The following ZNF544 variants were observed in gnomAD, a reference collection of about 807,000 sequenced individuals.
ZNF544 encodes zinc finger protein 544, also known as zinc finger protein AF020591.
ZNF544 carries 10 observed loss-of-function variants against 13.5 expected under a neutral mutation model. That is an observed-to-expected ratio of 0.74 (90% CI 0.46 to 1.25). ZNF544 has a LOEUF of 1.25. ZNF544 is among the 50% of genes most tolerant of loss of function. ZNF544 has a pLI of 0.00. For missense variants in ZNF544, 896 were observed against 845.6 expected (o/e 1.06, Z -0.74); for synonymous variants, 323 against 300.5 (o/e 1.07, Z -0.77).
At chr19:58,234,616 G>C (rs1045408994) in intron 3 of ZNF544, among the ~76,000 whole-genome samples, 3 of 152,176 alleles carry the variant, frequency 2.0e-5, no homozygotes, top group Non-Finnish European at 4.4e-5. Flanking sequence ...GTGTACCTGC[G>C]TGCAGCATTC....
chr19:58,229,085 G>C (rs1257051531), intron 1 of ZNF544, 139 bp downstream of exon 1: 4 of 152,566 alleles, frequency 2.6e-5, no homozygotes, highest in Non-Finnish European at 5.9e-5. Context: ...GGTCCCTCAT[G>C]CGGCGAGGCC....
rs148565349 is a variant in ZNF544 at position 58,261,551 on chromosome 19, A to C, written c.945A>C (p.Gln315His). The C allele has an allele frequency of 2.6e-4, 416 of 1,614,152 alleles. 3 individuals are homozygous for C. In the African/African-American group the frequency reaches 4.9e-3, roughly 19 times the overall value. The change falls in exon 7 of 7, where the codon CAA becomes CAC. Residue 315 changes from glutamine (Q) to histidine (H), a missense_variant. Gln to His is a conservative substitution (Grantham distance 24, BLOSUM62 0). Coordinates refer to ENST00000687789, the MANE Select transcript of ZNF544 (RefSeq NM_014480.4). The stretch of plus-strand genomic sequence containing the variant: ...GTTCTGAGAGTCTGTGCCTTGTACA[A>C]ACAGAAAGAAGTGGCCCTGGAGAGA... ...ETCSESLCLVQTERSGPGETP... is the reference protein window; with the variant it reads ...ETCSESLCLVHTERSGPGETP...
chr19:58,266,212 CAAAA>C (rs760851818), downstream of ZNF544, among the ~76,000 whole-genome samples: 3 of 46,206 alleles, frequency 6.5e-5, no homozygotes, highest in Admixed American at 3.4e-4. Context: ...GACTCTGTCT[CAAAA>C]AAAAAAAAAA....
chr19:58,236,672 T>C (rs1443628174), intron 3 of ZNF544, among the ~76,000 whole-genome samples: 1 of 152,000 alleles, frequency 6.6e-6, no homozygotes, highest in Non-Finnish European at 1.5e-5. Flanking sequence ...TCGATACATA[T>C]TGTTACTTAG....
chr19:58,274,217 T>C (rs2147929467), intron 5 of ZNF544, among the ~76,000 whole-genome samples: 1 of 152,286 alleles, frequency 6.6e-6, no homozygotes, highest in South Asian at 2.1e-4. Flanking sequence ...AATATATAGG[T>C]TGAGCTGTGT....
rs146627559 is a variant in ZNF544, at chr19:58,260,915, A to G, written c.309A>G (p.Leu103=). 12 of 1,613,970 alleles carry G rather than the reference A, an allele frequency of 7.4e-6. No homozygotes were observed. Among genetic ancestry groups the G allele is most frequent in the Middle Eastern group, 1.7e-4 (1 of 6,058 alleles). ...AAAAAGATCGAGCTAGGGAAGAACT[A>G]TCCCACCACGTGGAAGTGTACAGGA... is the stretch of plus-strand genomic sequence containing the variant. ...NSEKDRAREE[L]SHHVEVYRSG... Residue 103 remains leucine (L), a synonymous_variant, in exon 7 of 7, where the codon CTA becomes CTG. Transcript: ENST00000687789.
Position 58,262,016 on chromosome 19 carries a change from A to G in ZNF544, c.1410A>G (p.Gly470=), listed in dbSNP as rs2049065538. ...AACCGTATGAGTGCACTCACTGTGG[A>G]AAGTCCTTCAGCCAAAGCTATGAGT... The part of the protein sequence containing the change: ...GEKPYECTHC[G]KSFSQSYELV... The change falls in exon 7 of 7, where the codon GGA becomes GGG. Residue 470 remains glycine, a synonymous_variant. Coordinates refer to ENST00000687789, the MANE Select transcript of ZNF544 (RefSeq NM_014480.4). The G allele has an allele frequency of 6.2e-7, 1 of 1,613,740 alleles. No homozygotes were observed. The highest frequency in any genetic ancestry group is 8.5e-7 in the Non-Finnish European group (1 of 1,179,940).
chr19:58,277,421 G>T, exon 7 of ZNF544: 1 of 426,984 alleles, frequency 2.3e-6, no homozygotes, highest in Non-Finnish European at 3.9e-6. Flanking sequence ...CCCCATGGGG[G>T]TGAGCAAATA....
intron 5 of ZNF544, 42 bp downstream of exon 5, chr19:58,246,469 C>T (rs778366347): frequency 5.6e-6 from 9 of 1,609,858 alleles, no homozygotes; most frequent in Non-Finnish European, 7.6e-6. Context: ...ACCCCTAGGA[C>T]TCAAAGCTGT....
chr19:58,243,708 G>T (rs552626492), intron 3 of ZNF544, among the ~76,000 whole-genome samples: 3 of 152,064 alleles, frequency 2.0e-5, no homozygotes, highest in Non-Finnish European at 4.4e-5. Flanking sequence ...CCTTAGTCAC[G>T]AAATGATAGG....
intron 6 of ZNF544, among the ~76,000 whole-genome samples, chr19:58,256,883 T>TA (rs1250990732): frequency 1.3e-5 from 2 of 152,220 alleles, no homozygotes; most frequent in East Asian, 3.9e-4. Context: ...GCTAGGTGAT[T>TA]AAAGAGACAA....
At chr19:58,248,757 AG>A (rs1249127641) in intron 6 of ZNF544, among the ~76,000 whole-genome samples, 2 of 152,210 alleles carry the variant, frequency 1.3e-5, no homozygotes, top group African/African-American at 4.8e-5. Flanking sequence ...AAACAATGAA[AG>A]AATGAAGCAA....
At chr19:58,241,638 A>G (rs1221982276) in intron 3 of ZNF544, among the ~76,000 whole-genome samples, 1 of 151,804 alleles carries the variant, frequency 6.6e-6, no homozygotes. Flanking sequence ...CTGGGACTAC[A>G]GGCGCCCGCC....
chr19:58,242,302 G>A (rs2044060616), intron 3 of ZNF544: 2 of 984,934 alleles, frequency 2.0e-6, no homozygotes, highest in Non-Finnish European at 2.4e-6. Context: ...AGCCTTTGAA[G>A]GGAAAGGTGA....
intron 5 of ZNF544, among the ~76,000 whole-genome samples, chr19:58,274,931 A>G (rs1487484694): frequency 3.9e-5 from 6 of 152,104 alleles, no homozygotes; most frequent in Non-Finnish European, 8.8e-5. Context: ...AACAAGCAGT[A>G]GGCAAAGAAA....
At chr19:58,265,999 G>A (rs1240076961), downstream of ZNF544, among the ~76,000 whole-genome samples, 3 of 151,784 alleles carry the variant, frequency 2.0e-5, no homozygotes, top group African/African-American at 7.2e-5. Context: ...GAGGTTAGGA[G>A]TTCGAGACCA....
In ZNF544 at chr19:58,260,965, T is replaced by C; in HGVS notation, c.359T>C (p.Leu120Ser). The C allele has an allele frequency of 1.2e-6, 2 of 1,614,112 alleles. No individual in the cohort carries two copies. Among genetic ancestry groups the C allele is most frequent in the Non-Finnish European group, 8.5e-7 (1 of 1,180,024 alleles). ...AGTGGACCGGAGGAGCCACCCTCTT[T>C]GGTATTAGGAAAAGTGCAAGATCAG... ...YRSGPEEPPS[L>S]VLGKVQDQSN... The change falls in exon 7 of 7, where the codon TTG becomes TCG. Residue 120 changes from leucine to serine, a missense_variant. Physicochemically the swap from Leu to Ser is moderately radical, Grantham distance 145. Transcript: ENST00000687789.
chr19:58,239,814 G>A (rs1286006331), intron 3 of ZNF544, among the ~76,000 whole-genome samples: 3 of 151,512 alleles, frequency 2.0e-5, no homozygotes, highest in Admixed American at 6.6e-5. Flanking sequence ...CAGGAGAATC[G>A]CTTGAACCCA....
chr19:58,269,633 A>G (rs2050380520), intron 5 of ZNF544, among the ~76,000 whole-genome samples: 2 of 139,570 alleles, frequency 1.4e-5, no homozygotes, highest in African/African-American at 5.3e-5. Flanking sequence ...AAAAAAAAAG[A>G]TGGCAGGGCT....
Sources: gnomAD v4.1 joint callset for allele counts (sites outside exome capture counted in the v4.1 genomes callset) on GRCh38, gnomAD v4.1.1 for gene constraint, MANE v1.5 for transcripts, NCBI Gene and HGNC (gene_info 2026-07-23, HGNC 2026-07-21) for gene names.